Variants in IL1R1 observed in about 807,000 individuals in gnomAD.
IL1R1 encodes the protein interleukin 1 receptor type 1.
IL1R1 carries 22 observed loss-of-function variants against 50.2 expected under a neutral mutation model. The ratio of observed to expected loss-of-function variants is 0.44; its 90% CI spans 0.31 to 0.63. The LOEUF (loss-of-function observed/expected upper bound fraction) is 0.63, where lower values mean the gene tolerates loss of function less well. IL1R1 is among the 20% of genes least tolerant of loss of function. IL1R1 has a pLI of 0.07. For synonymous variants in IL1R1, 251 were observed against 236.7 expected (o/e 1.06, Z -0.55); for missense variants, 509 against 676.2 (o/e 0.75, Z 2.74).
chr2:102,073,719 C>T (rs1296979059), intron 1 of IL1R1, among the ~76,000 whole-genome samples: 1 of 152,102 alleles, frequency 6.6e-6, no homozygotes, highest in South Asian at 2.1e-4. Flanking sequence ...TGTCTGAATT[C>T]CTCTTGCCTT....
At chr2:102,129,585 A>T (rs528371116) in intron 1 of IL1R1, among the ~76,000 whole-genome samples, 13 of 152,178 alleles carry the variant, frequency 8.5e-5, no homozygotes, top group Non-Finnish European at 5.9e-5. Context: ...ATGACTTAGG[A>T]TGTAGGTCCT....
chr2:102,166,794 A>G (rs1330854419), intron 6 of IL1R1, among the ~76,000 whole-genome samples: 1 of 152,160 alleles, frequency 6.6e-6, no homozygotes, highest in Admixed American at 6.5e-5. Context: ...TCCCAAGGTT[A>G]TTGGGAAGAT....
chr2:102,171,356 T>A (rs1685659372), intron 7 of IL1R1, among the ~76,000 whole-genome samples: 1 of 152,228 alleles, frequency 6.6e-6, no homozygotes, highest in African/African-American at 2.4e-5. Context: ...TAATTCAATC[T>A]TGCTTCTAGA....
chr2:102,121,986 C>A (rs1287695047), intron 1 of IL1R1, among the ~76,000 whole-genome samples: 1 of 152,128 alleles, frequency 6.6e-6, no homozygotes, highest in Admixed American at 6.5e-5. Flanking sequence ...CAACCAGAAT[C>A]AAGAAAAGGG....
chr2:102,114,606 T>G (rs574365370), intron 1 of IL1R1, among the ~76,000 whole-genome samples: 1 of 152,338 alleles, frequency 6.6e-6, no homozygotes, highest in East Asian at 1.9e-4. Flanking sequence ...TTTGCTATTG[T>G]GATAATGTGG....
chr2:102,122,197 C>G (rs866510690), intron 1 of IL1R1, among the ~76,000 whole-genome samples: 4 of 152,176 alleles, frequency 2.6e-5, no homozygotes, highest in Admixed American at 6.5e-5. Context: ...AGAAAACATA[C>G]TGGTCAGTAA....
chr2:102,155,464 A>T (rs1348508288), intron 2 of IL1R1, among the ~76,000 whole-genome samples: 1 of 152,192 alleles, frequency 6.6e-6, no homozygotes, highest in Non-Finnish European at 1.5e-5. Flanking sequence ...TTATTCAGGG[A>T]CATAATGGGG....
chr2:102,099,207 T>C (rs1008937868), intron 1 of IL1R1, among the ~76,000 whole-genome samples: 1 of 152,198 alleles, frequency 6.6e-6, no homozygotes, highest in Non-Finnish European at 1.5e-5. Flanking sequence ...GGTTTCCTAT[T>C]TCAAAATGTG....
At chr2:102,137,006 T>C (rs1433147632) in intron 1 of IL1R1, among the ~76,000 whole-genome samples, 1 of 152,226 alleles carries the variant, frequency 6.6e-6, no homozygotes, top group African/African-American at 2.4e-5. Flanking sequence ...TAGTTATAGC[T>C]ACTTCTTTTA....
chr2:102,122,508 G>A (rs1022939317), intron 1 of IL1R1, among the ~76,000 whole-genome samples: 1 of 152,164 alleles, frequency 6.6e-6, no homozygotes, highest in Non-Finnish European at 1.5e-5. Context: ...AAAAAAAACA[G>A]TTTACTAACA....
At chr2:102,125,319 A>G (rs1681647065) in intron 1 of IL1R1, among the ~76,000 whole-genome samples, 2 of 152,324 alleles carry the variant, frequency 1.3e-5, no homozygotes, top group Middle Eastern at 6.8e-3. Flanking sequence ...CCAATAACGA[A>G]AATTCTTCAT....
chr2:102,177,736 T>A lies in IL1R1; in HGVS notation c.*977T>A, dbSNP rs1331067228. The A allele has an allele frequency of 6.6e-6, 1 of 152,356 alleles. No homozygotes were observed. Among genetic ancestry groups the A allele is most frequent in the Non-Finnish European group, 1.5e-5 (1 of 68,054 alleles). 9.4% of individuals were successfully genotyped at this position (152,356 alleles called of 1,614,324 possible). A position where few individuals can be genotyped will look rare whatever the true frequency, so the allele number is the denominator to read the frequency against. On this transcript the variant is annotated 3_prime_UTR_variant, in exon 12 of 12. Coordinates refer to ENST00000410023, the MANE Select transcript of IL1R1 (RefSeq NM_000877.4). The stretch of plus-strand genomic sequence containing the variant: ...AGGGAATTGATCCACTTCTTAATGC[T>A]TTCCTCCCTGGCATGACCATCCTGT...
chr2:102,091,107 T>C (rs1464728749), intron 1 of IL1R1, among the ~76,000 whole-genome samples: 1 of 152,186 alleles, frequency 6.6e-6, no homozygotes, highest in African/African-American at 2.4e-5. Flanking sequence ...TCCAAAAAAA[T>C]TGTGGGAGAA....
chr2:102,175,474 T>A lies in IL1R1; in HGVS notation c.1136-4T>A, dbSNP rs749253719. On this transcript the variant is annotated splice_region_variant and splice_polypyrimidine_tract_variant and intron_variant, in intron 10 of 11. Coordinates refer to ENST00000410023, the MANE Select transcript of IL1R1 (RefSeq NM_000877.4). Reference sequence around the variant, plus strand: ...GTTCTAAATACATTATGTTTTTCCTTTAGCTTCAGATGGAAAGACCTATGA... The same window carrying A: ...GTTCTAAATACATTATGTTTTTCCTATAGCTTCAGATGGAAAGACCTATGA... The A allele has an allele frequency of 1.9e-6, 3 of 1,611,978 alleles. No individual in the cohort carries two copies. Among genetic ancestry groups the A allele is most frequent in the Non-Finnish European group, 2.5e-6 (3 of 1,178,130 alleles).
At chr2:102,089,317 A>G (rs1679559215) in intron 1 of IL1R1, among the ~76,000 whole-genome samples, 1 of 152,206 alleles carries the variant, frequency 6.6e-6, no homozygotes, top group East Asian at 1.9e-4. Flanking sequence ...GAGAATAGGA[A>G]GGAGACAGAG....
chr2:102,089,667 T>C (rs781032136), intron 1 of IL1R1, among the ~76,000 whole-genome samples: 3 of 152,118 alleles, frequency 2.0e-5, no homozygotes, highest in Non-Finnish European at 4.4e-5. Flanking sequence ...TGAGGTCTGT[T>C]TGTACCTCGT....
chr2:102,131,094 A>G (rs1366194760), intron 1 of IL1R1, among the ~76,000 whole-genome samples: 1 of 152,128 alleles, frequency 6.6e-6, no homozygotes, highest in African/African-American at 2.4e-5. Flanking sequence ...AGGAGGAATA[A>G]TTCCTATTCT....
intron 1 of IL1R1, among the ~76,000 whole-genome samples, chr2:102,092,233 G>T (rs1679700845): frequency 6.6e-6 from 1 of 152,046 alleles, no homozygotes; most frequent in Admixed American, 6.6e-5. Flanking sequence ...CAAGTCTTCA[G>T]CTTGCAGCCA....
chr2:102,128,876 TA>T (rs1335998858), intron 1 of IL1R1, among the ~76,000 whole-genome samples: 1 of 152,138 alleles, frequency 6.6e-6, no homozygotes, highest in Non-Finnish European at 1.5e-5. Context: ...GCAAGTTCCT[TA>T]ACTTCTCTAG....
Sources: gnomAD v4.1 joint callset for allele counts (sites outside exome capture counted in the v4.1 genomes callset) on GRCh38, gnomAD v4.1.1 for gene constraint, MANE v1.5 for transcripts, NCBI Gene and HGNC (gene_info 2026-07-23, HGNC 2026-07-21) for gene names.